KCNIP4: variants seen among roughly 807,000 people sequenced by gnomAD.
The protein encoded by KCNIP4 is Kv channel-interacting protein 4.
KCNIP4 carries 12 observed loss-of-function variants against 34.0 expected under a neutral mutation model. The ratio of observed to expected loss-of-function variants is 0.35; its 90% CI spans 0.23 to 0.57. KCNIP4 has a LOEUF of 0.57. Among genes scored for constraint, KCNIP4 ranks in the 20% least tolerant of loss-of-function variants. The probability of loss-of-function intolerance (pLI) is 0.83; values close to 1 mark genes in which losing one functional copy is unlikely to be tolerated. For synonymous variants in KCNIP4, 124 were observed against 102.2 expected (o/e 1.21, Z -1.29); for missense variants, 238 against 311.7 (o/e 0.76, Z 1.78).
intron 1 of KCNIP4, among the ~76,000 whole-genome samples, chr4:21,431,787 G>T (rs569047003): frequency 6.6e-6 from 1 of 151,588 alleles, no homozygotes; most frequent in South Asian, 2.1e-4. Flanking sequence ...AACTACCACT[G>T]CCAGGACAGA....
intron 1 of KCNIP4, among the ~76,000 whole-genome samples, chr4:21,155,159 A>G (rs564991763): frequency 6.6e-6 from 1 of 152,300 alleles, no homozygotes; most frequent in African/African-American, 2.4e-5. Flanking sequence ...GTGCCTCATG[A>G]CAGCAGAGCT....
At chr4:20,785,510 T>A (rs567368719) in intron 3 of KCNIP4, among the ~76,000 whole-genome samples, 1 of 152,170 alleles carries the variant, frequency 6.6e-6, no homozygotes, top group African/African-American at 2.4e-5. Context: ...TGTGTGCTGA[T>A]CCACCTAGCA....
chr4:21,239,642 C>T (rs1577943991), intron 1 of KCNIP4, among the ~76,000 whole-genome samples: 1 of 152,120 alleles, frequency 6.6e-6, no homozygotes, highest in African/African-American at 2.4e-5. Context: ...CATCACTGAC[C>T]ATCAGATAAA....
intron 1 of KCNIP4, among the ~76,000 whole-genome samples, chr4:20,963,473 C>T (rs1180520965): frequency 6.6e-6 from 1 of 151,784 alleles, no homozygotes; most frequent in Non-Finnish European, 1.5e-5. Context: ...TGTAACTCTG[C>T]TATATGTATT....
At chr4:21,352,694 A>T (rs140704799) in intron 1 of KCNIP4, among the ~76,000 whole-genome samples, 5 of 152,204 alleles carry the variant, frequency 3.3e-5, no homozygotes, top group African/African-American at 1.2e-4. Context: ...ACCTCTGTGG[A>T]CAGGGCATAG....
At chr4:21,269,665 G>A (rs1250821487) in intron 1 of KCNIP4, among the ~76,000 whole-genome samples, 1 of 152,160 alleles carries the variant, frequency 6.6e-6, no homozygotes, top group Non-Finnish European at 1.5e-5. Flanking sequence ...AAAGTGCTGG[G>A]ATTTTAGGCA....
chr4:21,365,699 T>C (rs1719704224), intron 1 of KCNIP4, among the ~76,000 whole-genome samples: 1 of 152,138 alleles, frequency 6.6e-6, no homozygotes, highest in Admixed American at 6.6e-5. Flanking sequence ...CCCGTTGTTG[T>C]TATTAACCTT....
chr4:20,806,977 G>T (rs1327843314), intron 3 of KCNIP4, among the ~76,000 whole-genome samples: 1 of 152,062 alleles, frequency 6.6e-6, no homozygotes, highest in Non-Finnish European at 1.5e-5. Context: ...CTGCTGTTTT[G>T]CTGAAATGAA....
intron 1 of KCNIP4, among the ~76,000 whole-genome samples, chr4:21,784,453 C>T (rs10021933): frequency 0.6 from 91,216 of 151,746 alleles, 28,150 homozygotes; most frequent in African/African-American, 0.66. Flanking sequence ...TAAAAAATCA[C>T]ATTTTAAAGA....
chr4:21,846,768 G>A (rs1193838005), intron 1 of KCNIP4: 1 of 152,048 alleles, frequency 6.6e-6, no homozygotes, highest in East Asian at 1.9e-4. Context: ...CCTGTCCTGG[G>A]TTTTCCATCA....
At chr4:21,527,418 A>T (rs1560487596) in intron 1 of KCNIP4, among the ~76,000 whole-genome samples, 1 of 152,156 alleles carries the variant, frequency 6.6e-6, no homozygotes, top group East Asian at 1.9e-4. Flanking sequence ...CTCATGGAAG[A>T]TGTTGCAACA....
intron 1 of KCNIP4, among the ~76,000 whole-genome samples, chr4:21,590,005 T>A (rs1361947927): frequency 6.6e-6 from 1 of 151,978 alleles, no homozygotes; most frequent in African/African-American, 2.4e-5. Context: ...GCAACTAGAA[T>A]TAAGGAAGGG....
chr4:21,405,897 G>A (rs949851053), intron 1 of KCNIP4, among the ~76,000 whole-genome samples: 1 of 152,170 alleles, frequency 6.6e-6, no homozygotes, highest in African/African-American at 2.4e-5. Flanking sequence ...GCGCAATGGC[G>A]CGATCTTGGC....
At chr4:21,659,148 T>C (rs201665055) in intron 1 of KCNIP4, among the ~76,000 whole-genome samples, 1 of 152,188 alleles carries the variant, frequency 6.6e-6, no homozygotes, top group Non-Finnish European at 1.5e-5. Flanking sequence ...GTACATTATG[T>C]CATTTTGGCA....
intron 1 of KCNIP4, among the ~76,000 whole-genome samples, chr4:21,566,363 C>T (rs911997173): frequency 1.3e-5 from 2 of 152,052 alleles, no homozygotes; most frequent in Non-Finnish European, 2.9e-5. Context: ...GGAAGAGGGG[C>T]CTATTGGGAA....
At chr4:21,120,516 G>A (rs1352587789) in intron 1 of KCNIP4, among the ~76,000 whole-genome samples, 2 of 152,204 alleles carry the variant, frequency 1.3e-5, no homozygotes, top group Non-Finnish European at 1.5e-5. Context: ...CATGGCTGGG[G>A]AAGCTTCAGG....
chr4:21,018,817 G>A (rs1420548283), intron 1 of KCNIP4, among the ~76,000 whole-genome samples: 1 of 152,160 alleles, frequency 6.6e-6, no homozygotes, highest in African/African-American at 2.4e-5. Flanking sequence ...GTATTAGTGA[G>A]AACTACATAA....
chr4:21,730,641 G>A (rs967680129), intron 1 of KCNIP4, among the ~76,000 whole-genome samples: 2 of 152,162 alleles, frequency 1.3e-5, no homozygotes, highest in African/African-American at 2.4e-5. Flanking sequence ...ATTGTAATGG[G>A]TAAAGGGGAT....
At chr4:20,936,085 T>A (rs1369272142) in intron 1 of KCNIP4, among the ~76,000 whole-genome samples, 2 of 136,378 alleles carry the variant, frequency 1.5e-5, no homozygotes, top group South Asian at 2.2e-4. Flanking sequence ...AAGATACAGT[T>A]TTTTTTTTAA....
Sources: allele counts gnomAD v4.1 joint callset (sites outside exome capture counted in the v4.1 genomes callset), GRCh38; gene constraint gnomAD v4.1.1; transcripts MANE v1.5; gene names NCBI Gene and HGNC (gene_info 2026-07-23, HGNC 2026-07-21).